Variants in RAD23B observed in about 807,000 individuals in gnomAD.
RAD23B encodes the protein RAD23 nucleotide excision repair protein B, also known as lysine-specific demethylase RAD23B.
Under a neutral mutation model 49.1 loss-of-function variants are expected in RAD23B, and 5 were observed. That is an observed-to-expected ratio of 0.10 (90% CI 0.05 to 0.21). The LOEUF (loss-of-function observed/expected upper bound fraction) is 0.21. Among genes scored for constraint, RAD23B ranks in the 10% least tolerant of loss-of-function variants. The pLI, the probability that RAD23B is intolerant of heterozygous loss-of-function variation, is 1.00. For missense variants in RAD23B, 356 were observed against 486.7 expected (o/e 0.73, Z 2.53); for synonymous variants, 184 against 165.4 (o/e 1.11, Z -0.86).
chr9:107,319,060 G>A (rs1043650000), intron 6 of RAD23B, among the ~76,000 whole-genome samples, 181 bp downstream of exon 6: 2 of 150,156 alleles, frequency 1.3e-5, no homozygotes, highest in East Asian at 1.9e-4. Context: ...TAATCTAATG[G>A]TCCAACATTG....
Position 107,319,175 on chromosome 9 carries a change from G to C in RAD23B, c.681+296G>C, listed in dbSNP as rs1368713354. 3.2e-5 allele frequency among the ~76,000 whole-genome samples: 4 copies of C among 123,576 alleles called. No individual in the cohort carries two copies. The South Asian group carries it at 7.5e-4, about 23-fold the overall frequency. 81.1% of individuals were successfully genotyped at this position (123,576 alleles called of 152,430 possible). The stretch of plus-strand genomic sequence containing the variant: ...AGACGGAGTCTCGCTCTGTCGCCCA[G>C]ACTGGAGTGCAGTGGCATGATCTCT... On this transcript the variant is annotated intron_variant, in intron 6 of 9. Transcript: ENST00000358015.
intron 1 of RAD23B, 81 bp downstream of exon 1, chr9:107,283,776 C>A: frequency 8.0e-7 from 1 of 1,244,448 alleles, no homozygotes; most frequent in Non-Finnish European, 1.0e-6. Context: ...GGGCGGCGCG[C>A]TCCAGCGGGG....
At chr9:107,301,237 A>T (rs957590727) in intron 2 of RAD23B, among the ~76,000 whole-genome samples, 3 of 152,172 alleles carry the variant, frequency 2.0e-5, no homozygotes, top group African/African-American at 7.2e-5. Flanking sequence ...AAGTACTTTT[A>T]GTATCTTGCT....
At chr9:107,304,343 G>A (rs1826717205) in intron 3 of RAD23B, among the ~76,000 whole-genome samples, 1 of 152,180 alleles carries the variant, frequency 6.6e-6, no homozygotes, top group Non-Finnish European at 1.5e-5. Context: ...TTATTATAAA[G>A]TTTTGGTGCT....
intron 9 of RAD23B, among the ~76,000 whole-genome samples, chr9:107,325,959 A>T (rs1041351964): frequency 6.6e-6 from 1 of 151,862 alleles, no homozygotes; most frequent in South Asian, 2.1e-4. Context: ...ATTTTGTCAA[A>T]TTTTTTTTCT....
At chr9:107,325,895 A>G (rs956616657) in intron 9 of RAD23B, among the ~76,000 whole-genome samples, 3 of 152,224 alleles carry the variant, frequency 2.0e-5, no homozygotes, top group Admixed American at 1.3e-4. Context: ...GCCCTTTATC[A>G]GATTGAAGAA....
intron 4 of RAD23B, among the ~76,000 whole-genome samples, chr9:107,309,322 A>G (rs1826843797): frequency 6.6e-6 from 1 of 152,234 alleles, no homozygotes; most frequent in African/African-American, 2.4e-5. Context: ...CAAGACAGTT[A>G]AAGTATGTAA....
Position 107,284,850 on chromosome 9 carries a change from G to A in RAD23B, c.66+1155G>A, listed in dbSNP as rs920059179. 9 of 1,235,660 alleles carry A rather than the reference G, an allele frequency of 7.3e-6. No homozygotes were observed. In the Admixed American group the frequency reaches 1.4e-4, roughly 20 times the overall value. 76.5% of individuals were successfully genotyped at this position (1,235,660 alleles called of 1,614,324 possible). A position where few individuals can be genotyped will look rare whatever the true frequency, so the allele number is the denominator to read the frequency against. ...TTTGCTATGACCTTGGGCAAATTAC[G>A]GTTAGTTTCATTCTCTGTATAATAG... On this transcript the variant is annotated intron_variant, in intron 1 of 9. Coordinates refer to ENST00000358015, the MANE Select transcript of RAD23B (RefSeq NM_002874.5).
At chr9:107,324,738 T>G in intron 8 of RAD23B, 96 bp from the exon 9 acceptor site, 1 of 1,250,140 alleles carries the variant, frequency 8.0e-7, no homozygotes. Flanking sequence ...TTTGCAAAAG[T>G]GTAGCCTTTT....
chr9:107,284,576 G>GT (rs1467023857), intron 1 of RAD23B: 2 of 229,402 alleles, frequency 8.7e-6, no homozygotes, highest in African/African-American at 2.3e-5. Flanking sequence ...ACATTTTTCT[G>GT]TATTTGTGAC....
Position 107,318,960 on chromosome 9 carries a change from A to C in RAD23B, c.681+81A>C. On this transcript the variant is annotated intron_variant, in intron 6 of 9. Coordinates refer to ENST00000358015, the MANE Select transcript of RAD23B (RefSeq NM_002874.5). This position sits in a 1 kb window ranked among gnomAD's most constrained non-coding sequence, Gnocchi z 4.3. The stretch of plus-strand genomic sequence containing the variant: ...GAAACAGATTTTAAAGGACCAGTTC[A>C]CTTGTCACTGATATATGCTAGATGA... 7.2e-7 allele frequency: 1 copy of C among 1,397,466 alleles called. No individual in the cohort carries two copies. Among genetic ancestry groups the C allele is most frequent in the South Asian group, 1.3e-5 (1 of 75,372 alleles). The allele number at this position is 1,397,466 out of a possible 1,614,324, so 86.6% of individuals were successfully genotyped here.
chr9:107,310,041 G>A (rs67630898), intron 4 of RAD23B, among the ~76,000 whole-genome samples: 17,865 of 151,876 alleles, frequency 0.12, 1,094 homozygotes, highest in South Asian at 0.15. Flanking sequence ...AAAACAGTTT[G>A]GAATGGCTCA....
At chr9:107,321,143 T>C (rs1827103212) in intron 6 of RAD23B, among the ~76,000 whole-genome samples, 1 of 152,210 alleles carries the variant, frequency 6.6e-6, no homozygotes, top group South Asian at 2.1e-4. Context: ...TACTATAAAC[T>C]TACAAAAGGC....
In RAD23B at chr9:107,325,002, AG is replaced by A. The variant is rs1310269972; in HGVS notation, c.1116+1del. 6.2e-7 allele frequency: 1 copy of A among 1,612,786 alleles called. No homozygotes were observed. The highest frequency in any genetic ancestry group is 1.3e-5 in the African/African-American group (1 of 74,978). On this transcript the variant is annotated frameshift_variant and splice_region_variant, in exon 9 of 10. Transcript: ENST00000358015. LOFTEE classifies it high-confidence loss of function. ...VTPQEKEAIE[R>X]LKALGFPEGL... ...ACCTCAGGAAAAAGAAGCTATAGAAAGGGTGAGTTTAAGTAAAACTTTAAAA... is the reference window on the plus strand; with the variant it reads ...ACCTCAGGAAAAAGAAGCTATAGAAAGGTGAGTTTAAGTAAAACTTTAAAA...
intron 1 of RAD23B, 142 bp downstream of exon 1, chr9:107,283,837 C>T: frequency 2.2e-6 from 2 of 917,930 alleles, no homozygotes; most frequent in South Asian, 4.3e-5. Context: ...CCGGCCCTGG[C>T]GGCGTACAGC....
chr9:107,306,606 A>G lies in RAD23B; in HGVS notation c.456A>G (p.Pro152=). 6.2e-7 allele frequency: 1 copy of G among 1,614,232 alleles called. No homozygotes were observed. The highest frequency in any genetic ancestry group is 8.5e-7 in the Non-Finnish European group (1 of 1,180,030). Residue 152 remains proline (P), a synonymous_variant, in exon 4 of 10, where the codon CCA becomes CCG. Coordinates refer to ENST00000358015, the MANE Select transcript of RAD23B (RefSeq NM_002874.5). The stretch of plus-strand genomic sequence containing the variant: ...AACAAGAGAAGCCTGCAGAAAAGCC[A>G]GCAGAGACACCAGTGGCTACTAGCC... The part of the protein sequence containing the change: ...AAKQEKPAEK[P]AETPVATSPT...
chr9:107,321,887 TCAAA>T (rs1827117215), intron 6 of RAD23B, 92 bp from the exon 7 acceptor site: 1 of 1,261,530 alleles, frequency 7.9e-7, no homozygotes, highest in Non-Finnish European at 1.0e-6. Flanking sequence ...CTTTTGAAAA[TCAAA>T]CAAGATGTTA....
chr9:107,314,397 T>C (rs1390651891), intron 5 of RAD23B, among the ~76,000 whole-genome samples: 2 of 152,196 alleles, frequency 1.3e-5, no homozygotes, highest in African/African-American at 4.8e-5. Context: ...CTCTATATGA[T>C]GTGTGCCTAT....
intron 9 of RAD23B, among the ~76,000 whole-genome samples, chr9:107,326,180 T>C (rs1041814712): frequency 6.6e-6 from 1 of 152,158 alleles, no homozygotes; most frequent in Admixed American, 6.5e-5. Flanking sequence ...GTAGTTTTTT[T>C]GTGATGTTTT....
Sources: allele counts gnomAD v4.1 joint callset (sites outside exome capture counted in the v4.1 genomes callset), GRCh38; gene constraint gnomAD v4.1.1; non-coding constraint Gnocchi (gnomAD v3.1); transcripts MANE v1.5; gene names NCBI Gene and HGNC (gene_info 2026-07-23, HGNC 2026-07-21).